Variants in POMGNT2 observed in about 807,000 individuals in gnomAD.
POMGNT2 encodes the protein protein O-linked mannose N-acetylglucosaminyltransferase 2 (beta 1,4-).
POMGNT2 carries 32 observed loss-of-function variants against 37.8 expected under a neutral mutation model. The observed-to-expected ratio is 0.85, with a 90% CI of 0.64 to 1.14. The LOEUF is 1.14. POMGNT2 is among the 50% of genes most tolerant of loss of function. The pLI, the probability that POMGNT2 is intolerant of heterozygous loss-of-function variation, is 0.00. For synonymous variants in POMGNT2, 340 were observed against 336.8 expected (o/e 1.01, Z -0.10); for missense variants, 705 against 780.6 (o/e 0.90, Z 1.15).
intron 1 of POMGNT2, among the ~76,000 whole-genome samples, chr3:43,091,592 T>C (rs1233623502): frequency 1.3e-5 from 2 of 152,240 alleles, no homozygotes; most frequent in African/African-American, 4.8e-5. Context: ...AAAAGTATGA[T>C]GAGAGGATAT....
At chr3:43,083,856 A>C (rs956829995) in intron 1 of POMGNT2, among the ~76,000 whole-genome samples, 1 of 152,064 alleles carries the variant, frequency 6.6e-6, no homozygotes, top group Non-Finnish European at 1.5e-5. Context: ...TTCCATTCCT[A>C]TATCCCTTCT....
chr3:43,101,832 G>A (rs1406976775), intron 1 of POMGNT2, among the ~76,000 whole-genome samples: 1 of 152,126 alleles, frequency 6.6e-6, no homozygotes, highest in Non-Finnish European at 1.5e-5. Flanking sequence ...AATCTGAGAA[G>A]TCCGCCAGAC....
At chr3:43,095,283 G>A (rs931866906) in intron 1 of POMGNT2, among the ~76,000 whole-genome samples, 33 of 152,222 alleles carry the variant, frequency 2.2e-4, no homozygotes, top group African/African-American at 8.0e-4. Context: ...TCTACTTAGT[G>A]CCTTCCTGAA....
chr3:43,083,859 T>C (rs2089875057), intron 1 of POMGNT2, among the ~76,000 whole-genome samples: 1 of 152,222 alleles, frequency 6.6e-6, no homozygotes, highest in Admixed American at 6.5e-5. Context: ...CATTCCTATA[T>C]CCCTTCTTTG....
chr3:43,100,876 G>C (rs974892977), intron 1 of POMGNT2, among the ~76,000 whole-genome samples: 1 of 152,164 alleles, frequency 6.6e-6, no homozygotes, highest in African/African-American at 2.4e-5. Context: ...TTTTCGTGAG[G>C]AATTAGAGTC....
intron 1 of POMGNT2, among the ~76,000 whole-genome samples, chr3:43,093,749 A>G (rs1031939047): frequency 6.6e-5 from 10 of 152,194 alleles, no homozygotes; most frequent in Admixed American, 2.6e-4. Context: ...ATTAAGTCCC[A>G]GGGTTACCCA....
chr3:43,089,907 T>C (rs1430928019), intron 1 of POMGNT2, among the ~76,000 whole-genome samples: 1 of 152,116 alleles, frequency 6.6e-6, no homozygotes, highest in African/African-American at 2.4e-5. Flanking sequence ...CCTGACTTCA[T>C]GTCCTTCATT....
At chr3:43,102,386 G>C (rs1559421812) in intron 1 of POMGNT2, among the ~76,000 whole-genome samples, 2 of 152,236 alleles carry the variant, frequency 1.3e-5, no homozygotes, top group Non-Finnish European at 2.9e-5. Flanking sequence ...GCATAAGCTT[G>C]TACCAATGGC....
At chr3:43,101,943 T>C (rs1418657685) in intron 1 of POMGNT2, among the ~76,000 whole-genome samples, 2 of 152,034 alleles carry the variant, frequency 1.3e-5, no homozygotes, top group Non-Finnish European at 2.9e-5. Flanking sequence ...CCAGGTCTCT[T>C]GGCCACAGCT....
chr3:43,106,045 C>G lies in POMGNT2; in HGVS notation c.-315G>C, dbSNP rs1011124034. The stretch of plus-strand genomic sequence containing the variant: ...AGGCTCGCAGGTGTCCGCCGTGCGC[C>G]TGCCCGGCGGGCGAGCCCGGCGCGG... On this transcript the variant is annotated 5_prime_UTR_variant, in exon 1 of 2. Transcript: ENST00000344697. 6.6e-5 allele frequency: 10 copies of G among 151,578 alleles called. No homozygotes were observed. The highest frequency in any genetic ancestry group is 1.9e-4 in the African/African-American group (8 of 41,316). The allele number at this position is 151,578 out of a possible 1,614,324, so 9.4% of individuals were successfully genotyped here.
rs765429374 is a variant in POMGNT2 at position 43,080,823 on chromosome 3, G to A, written c.609C>T (p.Phe203=). Residue 203 remains phenylalanine, a synonymous_variant, in exon 2 of 2, where the codon TTC becomes TTT. Coordinates refer to ENST00000344697, the MANE Select transcript of POMGNT2 (RefSeq NM_032806.6). ...TGGGGCTGAGCAGCTTGTAGAGGTC[G>A]AAGTGTGCACCCTCGCCCCAGCCCT... is the stretch of plus-strand genomic sequence containing the variant. ...FMEGWGEGAH[F]DLYKLLSPKQ... 15 of 1,613,996 alleles carry A rather than the reference G, an allele frequency of 9.3e-6. No homozygotes were observed. Among genetic ancestry groups the A allele is most frequent in the South Asian group, 5.5e-5 (5 of 91,082 alleles).
At chr3:43,090,522 A>T (rs1219388963) in intron 1 of POMGNT2, 1 of 152,174 alleles carries the variant, frequency 6.6e-6, no homozygotes, top group Non-Finnish European at 1.5e-5. Flanking sequence ...GTTCTTCTCA[A>T]GAGAGGACAC....
In POMGNT2 at chr3:43,081,409, T is replaced by C. The variant is rs1326182876; in HGVS notation, c.23A>G (p.Asn8Ser). The C allele has an allele frequency of 3.8e-6, 6 of 1,588,564 alleles. No individual in the cohort carries two copies. The highest frequency in any genetic ancestry group is 2.2e-5 in the East Asian group (1 of 44,616). The change falls in exon 2 of 2, where the codon AAC becomes AGC. Residue 8 changes from asparagine (N) to serine (S), a missense_variant. By Grantham distance (46) the Asn-to-Ser change is conservative (BLOSUM62 1). Coordinates refer to ENST00000344697, the MANE Select transcript of POMGNT2 (RefSeq NM_032806.6). MHLSAVF[N>S]ALLVSVLAAV... Reference sequence around the variant, plus strand: ...TGCCAGCACCGACACCAGGAGGGCGTTGAACACCGCCGAGAGGTGCATCCT... The same window carrying C: ...TGCCAGCACCGACACCAGGAGGGCGCTGAACACCGCCGAGAGGTGCATCCT...
At chr3:43,105,299 C>G (rs984042986) in intron 1 of POMGNT2, among the ~76,000 whole-genome samples, 4 of 152,208 alleles carry the variant, frequency 2.6e-5, no homozygotes, top group Non-Finnish European at 5.9e-5. Flanking sequence ...GTGGCAAGCT[C>G]TTACCACCGG....
intron 1 of POMGNT2, among the ~76,000 whole-genome samples, chr3:43,082,435 G>A (rs1187043287): frequency 6.6e-6 from 1 of 152,120 alleles, no homozygotes; most frequent in East Asian, 1.9e-4. Flanking sequence ...ATTGTATCTG[G>A]GTATCATCAT....
chr3:43,079,321 C>T lies in POMGNT2; in HGVS notation c.*368G>A, dbSNP rs1211324179. On this transcript the variant is annotated 3_prime_UTR_variant, in exon 2 of 2. Transcript: ENST00000344697. ...CTGGGATGGAAGCAGATGAACCACC[C>T]AATCAAACAGTACATGATTACTCGG... 5.2e-6 allele frequency: 1 copy of T among 193,486 alleles called. No individual in the cohort carries two copies. The highest frequency in any genetic ancestry group is 1.0e-5 in the Non-Finnish European group (1 of 96,260). The allele number at this position is 193,486 out of a possible 1,614,324, so 12.0% of individuals were successfully genotyped here.
intron 1 of POMGNT2, among the ~76,000 whole-genome samples, chr3:43,096,668 C>T (rs1228643912): frequency 6.6e-6 from 1 of 152,184 alleles, no homozygotes; most frequent in Non-Finnish European, 1.5e-5. Context: ...TCTGCCTCCT[C>T]TATATTGGGC....
Position 43,104,907 on chromosome 3 carries a change from T to C in POMGNT2, c.-106+929A>G, listed in dbSNP as rs1575477324. Among the ~76,000 whole-genome samples the C allele has an allele frequency of 2.6e-5, 4 of 152,316 alleles. No individual in the cohort carries two copies. The East Asian group carries it at 7.7e-4, about 29-fold the overall frequency. On this transcript the variant is annotated intron_variant, in intron 1 of 1. Coordinates refer to ENST00000344697, the MANE Select transcript of POMGNT2 (RefSeq NM_032806.6). ...CAGAGGCTAAGAGAGGATAAGTGAC[T>C]TGCTTAAACGCACACCGCTAGTAGC...
chr3:43,081,246 C>T lies in POMGNT2; in HGVS notation c.186G>A (p.Glu62=), dbSNP rs1326409439. 1.2e-6 allele frequency: 2 copies of T among 1,613,854 alleles called. No individual in the cohort carries two copies. The highest frequency in any genetic ancestry group is 1.7e-6 in the Non-Finnish European group (2 of 1,180,010). The change falls in exon 2 of 2, where the codon GAG becomes GAA. Residue 62 remains glutamate, a synonymous_variant. Transcript: ENST00000344697. ...CCGTGCACACCATGTGTGTGCCGCC[C>T]TCCATCAGGATCTGCAGTGCCTTCG... ...DYPKALQILM[E]GGTHMVCTGR... is the part of the protein sequence containing the mutation.
Sources: gnomAD v4.1 joint callset for allele counts (sites outside exome capture counted in the v4.1 genomes callset) on GRCh38, gnomAD v4.1.1 for gene constraint, MANE v1.5 for transcripts, NCBI Gene and HGNC (gene_info 2026-07-23, HGNC 2026-07-21) for gene names.